Variants in RGS10 observed in about 807,000 individuals in gnomAD.
The protein encoded by RGS10 is regulator of G-protein signalling 10.
Under a neutral mutation model 23.5 loss-of-function variants are expected in RGS10, and 11 were observed. The ratio of observed to expected loss-of-function variants is 0.47; its 90% CI spans 0.29 to 0.77. The LOEUF is 0.77. RGS10 is among the 30% of genes least tolerant of loss of function. The probability of loss-of-function intolerance (pLI) is 0.08; values close to 1 mark genes in which losing one functional copy is unlikely to be tolerated. For missense variants in RGS10, 180 were observed against 226.3 expected (o/e 0.80, Z 1.31); for synonymous variants, 77 against 83.2 (o/e 0.92, Z 0.41).
intron 4 of RGS10, among the ~76,000 whole-genome samples, chr10:119,501,677 C>T (rs991985115): frequency 4.0e-5 from 6 of 151,898 alleles, no homozygotes; most frequent in African/African-American, 1.5e-4. Context: ...GAGCTGAGAT[C>T]ACACCACTGC....
Position 119,527,273 on chromosome 10 carries a change from C to T in RGS10, c.168+33G>A. On this transcript the variant is annotated intron_variant, in intron 2 of 4. Transcript: ENST00000369103. This position sits in a 1 kb window ranked among gnomAD's most constrained non-coding sequence, Gnocchi z 4.2. ...TGCATCTGAACTTCTGCACACACTG[C>T]ATCCATCCCGATTAACAATGAAAAA... 6.7e-7 allele frequency: 1 copy of T among 1,493,110 alleles called. No individual in the cohort carries two copies. The highest frequency in any genetic ancestry group is 9.3e-7 in the Non-Finnish European group (1 of 1,072,346). 92.5% of individuals were successfully genotyped at this position (1,493,110 alleles called of 1,614,324 possible).
chr10:119,532,434 C>T (rs913958638), intron 1 of RGS10, among the ~76,000 whole-genome samples: 3 of 152,084 alleles, frequency 2.0e-5, no homozygotes, highest in Non-Finnish European at 2.9e-5. Context: ...AGTTACGACC[C>T]GTGGGCGCGG....
At chr10:119,504,013 C>T (rs1219392783) in intron 4 of RGS10, among the ~76,000 whole-genome samples, 2 of 152,344 alleles carry the variant, frequency 1.3e-5, no homozygotes, top group Non-Finnish European at 2.9e-5. Flanking sequence ...CTGGCAGGCT[C>T]TGCAGCCCCC....
intron 4 of RGS10, among the ~76,000 whole-genome samples, chr10:119,511,325 G>A (rs1231739145): frequency 2.0e-5 from 3 of 152,060 alleles, no homozygotes; most frequent in African/African-American, 7.2e-5. Flanking sequence ...CTTCTCTTAG[G>A]ATGCCTTTGG....
intron 3 of RGS10, among the ~76,000 whole-genome samples, chr10:119,520,757 G>T: frequency 7.1e-6 from 1 of 140,646 alleles, no homozygotes; most frequent in Non-Finnish European, 1.5e-5. Flanking sequence ...AAATAAAAAA[G>T]CAGAAAAAAC....
chr10:119,505,361 G>A (rs1048270982), intron 4 of RGS10, among the ~76,000 whole-genome samples: 7 of 137,566 alleles, frequency 5.1e-5, no homozygotes, highest in Admixed American at 1.6e-4. Flanking sequence ...CAAGACAGCT[G>A]CGGCTTAGCA....
At chr10:119,542,449 G>C (rs1407439745) in intron 1 of RGS10, 141 bp downstream of exon 1, 2 of 632,900 alleles carry the variant, frequency 3.2e-6, no homozygotes, top group Non-Finnish European at 4.7e-6. Context: ...GGTACCCAGC[G>C]GGGAGAGGTG....
At chr10:119,533,302 A>G (rs554788746) in intron 1 of RGS10, among the ~76,000 whole-genome samples, 1 of 152,260 alleles carries the variant, frequency 6.6e-6, no homozygotes, top group Non-Finnish European at 1.5e-5. Context: ...ACTGCACTCC[A>G]GCCTGGGTGA....
At chr10:119,537,558 G>C (rs1844401191) in intron 1 of RGS10, among the ~76,000 whole-genome samples, 1 of 152,136 alleles carries the variant, frequency 6.6e-6, no homozygotes, top group East Asian at 1.9e-4. Flanking sequence ...CAAGGAAGTG[G>C]ATGAGCTGGG....
intron 4 of RGS10, among the ~76,000 whole-genome samples, chr10:119,508,146 C>A (rs1294887818): frequency 6.6e-6 from 1 of 152,030 alleles, no homozygotes; most frequent in African/African-American, 2.4e-5. Context: ...TACAGGCGTG[C>A]ACCACCATGT....
intron 1 of RGS10, among the ~76,000 whole-genome samples, chr10:119,541,546 T>A (rs1475138034): frequency 6.6e-6 from 1 of 152,106 alleles, no homozygotes; most frequent in African/African-American, 2.4e-5. Context: ...GAGATTCGGA[T>A]CCAGCCAGTC....
Position 119,527,167 on chromosome 10 carries a change from T to C in RGS10, c.168+139A>G, listed in dbSNP as rs1236547657. ...AGAAAGTCTCACCCTCAAGCTGGGA[T>C]AGACAGTACTGAACTCTCAAGCTGG... On this transcript the variant is annotated intron_variant, in intron 2 of 4. Transcript: ENST00000369103. This position sits in a 1 kb window ranked among gnomAD's most constrained non-coding sequence, Gnocchi z 4.2. The C allele has an allele frequency of 2.5e-5, 15 of 610,552 alleles. No homozygotes were observed. Among genetic ancestry groups the C allele is most frequent in the Admixed American group, 2.1e-4 (7 of 33,950 alleles). The allele number at this position is 610,552 out of a possible 1,614,324, so 37.8% of individuals were successfully genotyped here.
intron 3 of RGS10, among the ~76,000 whole-genome samples, chr10:119,520,809 CAAAA>C (rs58487462): frequency 5.6e-5 from 7 of 126,084 alleles, no homozygotes; most frequent in African/African-American, 1.8e-4. Flanking sequence ...TCTCCAAAAG[CAAAA>C]AAAAAAAAAA....
At chr10:119,502,494 G>T (rs1843963645) in intron 4 of RGS10, among the ~76,000 whole-genome samples, 1 of 152,222 alleles carries the variant, frequency 6.6e-6, no homozygotes, top group African/African-American at 2.4e-5. Context: ...TGTGAAGTCT[G>T]CATGTGGGAG....
intron 4 of RGS10, among the ~76,000 whole-genome samples, chr10:119,505,486 A>G (rs1476212328): frequency 6.6e-6 from 1 of 152,054 alleles, no homozygotes; most frequent in African/African-American, 2.4e-5. Flanking sequence ...AGACTCGGAC[A>G]AAAATGAGGA....
At chr10:119,522,294 G>C (rs540925294) in intron 3 of RGS10, among the ~76,000 whole-genome samples, 1 of 152,300 alleles carries the variant, frequency 6.6e-6, no homozygotes, top group African/African-American at 2.4e-5. Flanking sequence ...AGAGGCGAGA[G>C]TGGGATTTGT....
In RGS10 at chr10:119,538,387, C is replaced by T. The variant is rs74157685; in HGVS notation, c.49+4203G>A. Among the ~76,000 whole-genome samples, 2,046 of 152,300 alleles carry T rather than the reference C, an allele frequency of 0.013. 49 individuals carry two copies. The highest frequency in any genetic ancestry group is 0.047 in the African/African-American group (1,935 of 41,556). ...GAGGGAGAAATGAAATGGTTCCCTC[C>T]TGCTCAGACAAGCTGCTCTGTCAAG... On this transcript the variant is annotated intron_variant, in intron 1 of 4. Coordinates refer to ENST00000369103, the MANE Select transcript of RGS10 (RefSeq NM_001005339.2). This position sits in a 1 kb window ranked among gnomAD's most constrained non-coding sequence, Gnocchi z 4.5.
chr10:119,539,112 T>A (rs1406948903), intron 1 of RGS10, among the ~76,000 whole-genome samples: 2 of 152,314 alleles, frequency 1.3e-5, no homozygotes, highest in East Asian at 3.9e-4. Context: ...TCCCAGAGGC[T>A]CAACTGGCTC....
chr10:119,536,498 C>A, intron 1 of RGS10: 1 of 1,611,388 alleles, frequency 6.2e-7, no homozygotes, highest in Admixed American at 1.7e-5. Context: ...AGAAGTTCCA[C>A]GCAGACCAAC....
Sources: gnomAD v4.1 joint callset for allele counts (sites outside exome capture counted in the v4.1 genomes callset) on GRCh38, gnomAD v4.1.1 for gene constraint, Gnocchi (gnomAD v3.1) non-coding constraint, MANE v1.5 for transcripts, NCBI Gene and HGNC (gene_info 2026-07-23, HGNC 2026-07-21) for gene names.